Variants in APP observed in about 807,000 individuals in gnomAD.
APP encodes amyloid-beta precursor protein.
In APP, 31 loss-of-function variants were observed where a neutral mutation model predicts 101.4. The ratio of observed to expected loss-of-function variants is 0.31; its 90% CI spans 0.23 to 0.41. APP has a LOEUF of 0.41. Among genes scored for constraint, APP ranks in the 10% least tolerant of loss-of-function variants. The pLI is 1.00. For missense variants in APP, 839 were observed against 1,003.7 expected (o/e 0.84, Z 2.22); for synonymous variants, 366 against 364.4 (o/e 1.00, Z -0.05).
chr21:25,927,002 CAAAAAAAAAAAAA>C lies in APP; in HGVS notation c.1688-15053_1688-15041del, dbSNP rs36048306. Among the ~76,000 whole-genome samples the C allele has an allele frequency of 1.5e-4, 10 of 67,268 alleles. 1 individual carries two copies. In the Admixed American group the frequency reaches 2.2e-3, roughly 15 times the overall value. 44.1% of individuals were successfully genotyped at this position (67,268 alleles called of 152,430 possible). On this transcript the variant is annotated intron_variant, in intron 13 of 17. Coordinates refer to ENST00000346798, the MANE Select transcript of APP (RefSeq NM_000484.4). ...TGGGCAACAGAGTGAGACTCCGTCTCAAAAAAAAAAAAAAAAAAAAAAAAAAGGAAGCATAAAC... is the reference window on the plus strand; with the variant it reads ...TGGGCAACAGAGTGAGACTCCGTCTCAAAAAAAAAAAAAGGAAGCATAAAC...
chr21:26,027,592 T>A (rs999930180), intron 5 of APP, among the ~76,000 whole-genome samples: 2 of 152,064 alleles, frequency 1.3e-5, no homozygotes, highest in South Asian at 2.1e-4. Context: ...GAATTAAATA[T>A]GAAAACAAGC....
At chr21:26,109,396 G>A (rs965593083) in intron 2 of APP, among the ~76,000 whole-genome samples, 3 of 152,192 alleles carry the variant, frequency 2.0e-5, no homozygotes, top group African/African-American at 4.8e-5. Context: ...TTGAAAGTGT[G>A]TAGCACCTCT....
At chr21:26,089,384 A>C (rs2830049) in intron 3 of APP, 12,625 of 152,208 alleles carry the variant, frequency 0.083, 672 homozygotes, top group African/African-American at 0.15. Context: ...GACAAAACAA[A>C]CATTAAACAT....
chr21:25,887,874 C>T (rs959292231), intron 17 of APP, among the ~76,000 whole-genome samples: 2 of 152,112 alleles, frequency 1.3e-5, no homozygotes, highest in Non-Finnish European at 2.9e-5. Flanking sequence ...GCGATCAAAC[C>T]GCCCCATGCC....
intron 5 of APP, 102 bp from the exon 6 acceptor site, chr21:26,022,144 C>G: frequency 7.3e-7 from 1 of 1,362,666 alleles, no homozygotes; most frequent in Non-Finnish European, 1.0e-6. Flanking sequence ...TGAGAAGAAA[C>G]ACACCCAAAA....
intron 3 of APP, among the ~76,000 whole-genome samples, chr21:26,087,750 G>T (rs192007138): frequency 6.6e-6 from 1 of 152,290 alleles, no homozygotes; most frequent in Admixed American, 6.5e-5. Flanking sequence ...ATAAGGTGAG[G>T]ACAGGTCATT....
At chr21:26,080,350 C>A (rs1011010305) in intron 3 of APP, among the ~76,000 whole-genome samples, 1 of 152,138 alleles carries the variant, frequency 6.6e-6, no homozygotes, top group African/African-American at 2.4e-5. Flanking sequence ...AATGGCTAAG[C>A]ATGAATAACC....
chr21:25,994,419 TAAC>T (rs915904825), intron 8 of APP, among the ~76,000 whole-genome samples: 17 of 152,188 alleles, frequency 1.1e-4, no homozygotes, highest in Admixed American at 8.5e-4. Context: ...TTATTTAAAA[TAAC>T]AACAATAAAA....
rs141159753 is a variant in APP, at chr21:26,109,886, G to C, written c.225+2093C>G. 2.1e-3 allele frequency among the ~76,000 whole-genome samples: 317 copies of C among 152,152 alleles called. 1 individual carries two copies. The highest frequency in any genetic ancestry group is 7.3e-3 in the African/African-American group (302 of 41,502). Reference sequence around the variant, plus strand: ...TGTCATAAACTAAATTTTAATTCTAGCCTTTAAAAAAAGTTTATTTGACAC... The same window carrying C: ...TGTCATAAACTAAATTTTAATTCTACCCTTTAAAAAAAGTTTATTTGACAC... On this transcript the variant is annotated intron_variant, in intron 2 of 17. Transcript: ENST00000346798.
intron 3 of APP, among the ~76,000 whole-genome samples, chr21:26,057,734 G>T (rs1443740027): frequency 6.6e-6 from 1 of 152,140 alleles, no homozygotes; most frequent in African/African-American, 2.4e-5. Flanking sequence ...ACTGGCAGAA[G>T]AACTAGACTG....
intron 16 of APP, among the ~76,000 whole-genome samples, chr21:25,895,158 G>A (rs1240859976): frequency 6.7e-6 from 1 of 148,812 alleles, no homozygotes; most frequent in African/African-American, 2.5e-5. Context: ...ACAGACTAGA[G>A]TATAGTGTAA....
chr21:26,154,626 C>T (rs2063338997), intron 1 of APP, among the ~76,000 whole-genome samples: 1 of 152,104 alleles, frequency 6.6e-6, no homozygotes, highest in Non-Finnish European at 1.5e-5. Flanking sequence ...AACGTTAGTA[C>T]CTTAGTAACT....
At chr21:25,942,950 C>A (rs1356985434) in intron 13 of APP, 4 of 152,122 alleles carry the variant, frequency 2.6e-5, no homozygotes, top group African/African-American at 7.2e-5. Flanking sequence ...TAAACACTAA[C>A]TCCACAGTCC....
At chr21:25,930,720 G>A (rs1204675546) in intron 13 of APP, among the ~76,000 whole-genome samples, 3 of 152,144 alleles carry the variant, frequency 2.0e-5, no homozygotes, top group Non-Finnish European at 4.4e-5. Context: ...CACAAACCCT[G>A]TAAGCACTTC....
chr21:25,921,608 A>G (rs1313165881), intron 13 of APP, among the ~76,000 whole-genome samples: 1 of 144,032 alleles, frequency 6.9e-6, no homozygotes, highest in African/African-American at 2.6e-5. Flanking sequence ...CTCTACACAA[A>G]TAAACTAGAA....
Position 26,015,994 on chromosome 21 carries a change from C to T in APP, c.865+5846G>A, listed in dbSNP as rs1261360080. Among the ~76,000 whole-genome samples the T allele has an allele frequency of 1.1e-4, 16 of 151,914 alleles. No homozygotes were observed. The East Asian group carries it at 3.1e-3, about 29-fold the overall frequency. On this transcript the variant is annotated intron_variant, in intron 6 of 17. Coordinates refer to ENST00000346798, the MANE Select transcript of APP (RefSeq NM_000484.4). ...TATTTTTGGCCCCAATTTGCTGACCCTTGATCATTACTCTTATTTGTGGAC... is the reference window on the plus strand; with the variant it reads ...TATTTTTGGCCCCAATTTGCTGACCTTTGATCATTACTCTTATTTGTGGAC...
intron 2 of APP, among the ~76,000 whole-genome samples, chr21:26,103,543 G>C (rs2062111512): frequency 6.6e-6 from 1 of 152,188 alleles, no homozygotes; most frequent in African/African-American, 2.4e-5. Context: ...AGAGGTTGCA[G>C]TGGGTTGACA....
intron 17 of APP, among the ~76,000 whole-genome samples, chr21:25,883,632 G>T (rs1297187792): frequency 6.6e-6 from 1 of 152,214 alleles, no homozygotes; most frequent in African/African-American, 2.4e-5. Flanking sequence ...GGCTGAGGCT[G>T]CAGTGAGCCA....
chr21:25,893,362 T>A (rs945189268), intron 16 of APP, among the ~76,000 whole-genome samples: 2 of 152,162 alleles, frequency 1.3e-5, no homozygotes, highest in Admixed American at 6.5e-5. Context: ...TCTCTCACTT[T>A]AAAGCAAAAG....
Sources: allele counts gnomAD v4.1 joint callset (sites outside exome capture counted in the v4.1 genomes callset), GRCh38; gene constraint gnomAD v4.1.1; transcripts MANE v1.5; gene names NCBI Gene and HGNC (gene_info 2026-07-23, HGNC 2026-07-21).